Variants in NPAS4 observed in about 807,000 individuals in gnomAD.
NPAS4 encodes the protein neuronal PAS domain protein 4, also known as neuronal PAS domain-containing protein 4.
A neutral mutation model predicts 64.0 loss-of-function variants in NPAS4; 10 were observed. The observed-to-expected ratio is 0.16, with a 90% CI of 0.10 to 0.26. The LOEUF (loss-of-function observed/expected upper bound fraction) is 0.26. Ranked by LOEUF, NPAS4 falls within the 10% of genes least tolerant of loss-of-function variation. The pLI is 1.00. For synonymous variants in NPAS4, 441 were observed against 411.7 expected (o/e 1.07, Z -0.86); for missense variants, 886 against 992.6 (o/e 0.89, Z 1.44).
At chr11:66,410,147 C>T in the NPAS4 span, 1 of 152,388 alleles carries the variant, frequency 6.6e-6, no homozygotes, top group Admixed American at 6.5e-5. Context: ...TGCTCTCTCC[C>T]TGCAGCACTT....
At chr11:66,411,019 C>G in the NPAS4 span, 1 of 152,464 alleles carries the variant, frequency 6.6e-6, no homozygotes, top group African/African-American at 2.4e-5. Context: ...GAACGACCCC[C>G]AACGGGTTGG....
At chr11:66,418,403 A>G (rs1048571883), upstream of NPAS4, among the ~76,000 whole-genome samples, 1 of 152,088 alleles carries the variant, frequency 6.6e-6, no homozygotes, top group African/African-American at 2.4e-5. Context: ...GGTGATATAA[A>G]TAGCTCCTCT....
chr11:66,410,598 C>T, the NPAS4 span: 1 of 152,310 alleles, frequency 6.6e-6, no homozygotes. Flanking sequence ...AGAGGACAGC[C>T]TGTGGGAGGC....
chr11:66,424,118 C>G lies in NPAS4; in HGVS notation c.1228C>G (p.Pro410Ala). 1 of 1,614,054 alleles carries G rather than the reference C, an allele frequency of 6.2e-7. No individual in the cohort carries two copies. The highest frequency in any genetic ancestry group is 8.5e-7 in the Non-Finnish European group (1 of 1,180,008). ...SYLTFPSGPE[P>A]SLQAELSKDL... ...CCTGACATTCCCTTCTGGGCCTGAG[C>G]CTTCTCTCCAAGCAGAACTAAGCAA... Residue 410 changes from proline to alanine, a missense_variant, in exon 7 of 8, where the codon CCT becomes GCT. Coordinates refer to ENST00000311034, the MANE Select transcript of NPAS4 (RefSeq NM_178864.4).
chr11:66,409,178 G>C, the NPAS4 span: 1 of 151,788 alleles, frequency 6.6e-6, no homozygotes, highest in Non-Finnish European at 1.5e-5. Context: ...GCGGAGTGGC[G>C]GCTCCACCAG....
chr11:66,424,931 G>T lies in NPAS4; in HGVS notation c.2041G>T (p.Val681Leu). ...GTCCCTGTCAGGGGCAGGCCCCCCT[G>T]TGCTCAGCCTGGACCTGAAACCCTG... is the stretch of plus-strand genomic sequence containing the variant. ...NLSLSGAGPP[V>L]LSLDLKPWKC... The change falls in exon 7 of 8, where the codon GTG (valine) becomes TTG (leucine). Residue 681 changes from valine to leucine, a missense_variant. By Grantham distance (32) the Val-to-Leu change is conservative. Coordinates refer to ENST00000311034, the MANE Select transcript of NPAS4 (RefSeq NM_178864.4). 1.2e-6 allele frequency: 2 copies of T among 1,614,042 alleles called. No homozygotes were observed. Among genetic ancestry groups the T allele is most frequent in the Non-Finnish European group, 1.7e-6 (2 of 1,179,998 alleles).
the NPAS4 span, among the ~76,000 whole-genome samples, chr11:66,412,352 G>A: frequency 2.0e-5 from 3 of 152,170 alleles, no homozygotes; most frequent in African/African-American, 4.8e-5. Context: ...GAGCCCTGAG[G>A]GGCACTTTAT....
Position 66,424,491 on chromosome 11 carries a change from C to T in NPAS4, c.1601C>T (p.Pro534Leu). 1 of 1,614,178 alleles carries T rather than the reference C, an allele frequency of 6.2e-7. No individual in the cohort carries two copies. The highest frequency in any genetic ancestry group is 8.5e-7 in the Non-Finnish European group (1 of 1,180,042). The change falls in exon 7 of 8, where the codon CCC becomes CTC. Residue 534 changes from proline (P) to leucine (L), a missense_variant. Physicochemically the swap from Pro to Leu is moderately conservative, Grantham distance 98 (BLOSUM62 -3). Transcript: ENST00000311034. ...CCTGCCCATGAACAGCTGACTCCTC[C>T]CAGCACAGCATTCCAAGCACACCTG... ...GSPAHEQLTP[P>L]STAFQAHLDS... is the part of the protein sequence containing the mutation.
chr11:66,418,131 C>A (rs1325513090), upstream of NPAS4, among the ~76,000 whole-genome samples: 1 of 152,136 alleles, frequency 6.6e-6, no homozygotes, highest in Non-Finnish European at 1.5e-5. Flanking sequence ...CTCTCCCATT[C>A]CTTCTACACG....
chr11:66,418,870 C>T (rs1392367504), upstream of NPAS4, among the ~76,000 whole-genome samples: 1 of 152,198 alleles, frequency 6.6e-6, no homozygotes, highest in Non-Finnish European at 1.5e-5. Flanking sequence ...GTGACTCTTT[C>T]AGCACCACGG....
intron 7 of NPAS4, 135 bp from the exon 8 acceptor site, chr11:66,425,826 T>C (rs1441380619): frequency 2.9e-6 from 2 of 691,766 alleles, no homozygotes. Context: ...CCTAATCTAC[T>C]GAGCCTCTGG....
Position 66,421,146 on chromosome 11 carries a change from G to A in NPAS4, c.-34G>A, listed in dbSNP as rs776180084. 1.3e-5 allele frequency: 21 copies of A among 1,559,780 alleles called. No individual in the cohort carries two copies. The South Asian group carries it at 2.3e-4, about 17-fold the overall frequency. On this transcript the variant is annotated 5_prime_UTR_variant, in exon 1 of 8. Transcript: ENST00000311034. ...CGTCGGGACGGGAGCGCAGGTGCTCGGGCACCCGAGCTGGAGCTCCGCAGC... is the reference window on the plus strand; with the variant it reads ...CGTCGGGACGGGAGCGCAGGTGCTCAGGCACCCGAGCTGGAGCTCCGCAGC...
At chr11:66,412,718 C>A in the NPAS4 span, among the ~76,000 whole-genome samples, 2 of 152,178 alleles carry the variant, frequency 1.3e-5, no homozygotes, top group Non-Finnish European at 2.9e-5. Flanking sequence ...TTTAACAAAT[C>A]GGTAAACTGA....
the NPAS4 span, among the ~76,000 whole-genome samples, chr11:66,414,975 C>A: frequency 1.2e-3 from 188 of 152,298 alleles, no homozygotes; most frequent in Non-Finnish European, 2.0e-3. Flanking sequence ...GAGATTCTTC[C>A]CCCCTGGGTC....
rs780537675 is a variant in NPAS4 at position 66,422,591 on chromosome 11, C to T, written c.430+38C>T. On this transcript the variant is annotated intron_variant, in intron 3 of 7. Coordinates refer to ENST00000311034, the MANE Select transcript of NPAS4 (RefSeq NM_178864.4). Reference sequence around the variant, plus strand: ...TTCTCCCTTCCTCGGTCCAATTTCCCACCTGCTGCCCTTCTCCCCACCATC... The same window carrying T: ...TTCTCCCTTCCTCGGTCCAATTTCCTACCTGCTGCCCTTCTCCCCACCATC... 3 of 1,600,144 alleles carry T rather than the reference C, an allele frequency of 1.9e-6. No homozygotes were observed. In the East Asian group the frequency reaches 6.7e-5, roughly 36 times the overall value.
chr11:66,410,122 G>C, the NPAS4 span: 10 of 152,226 alleles, frequency 6.6e-5, no homozygotes, highest in African/African-American at 2.4e-4. Context: ...CCCCCTGCCC[G>C]GTCCTATTGA....
Position 66,426,048 on chromosome 11 carries a change from C to T in NPAS4, c.*59C>T, listed in dbSNP as rs1856834201. 3.2e-6 allele frequency: 4 copies of T among 1,254,334 alleles called. No individual in the cohort carries two copies. Among genetic ancestry groups the T allele is most frequent in the Non-Finnish European group, 4.7e-6 (4 of 860,064 alleles). 77.7% of individuals were successfully genotyped at this position (1,254,334 alleles called of 1,614,324 possible). ...ATATTGTCATCAAGACGTGGAGCCGCTCTCCACCCCCCCGGGACTGTTGGG... is the reference window on the plus strand; with the variant it reads ...ATATTGTCATCAAGACGTGGAGCCGTTCTCCACCCCCCCGGGACTGTTGGG... On this transcript the variant is annotated 3_prime_UTR_variant, in exon 8 of 8. Coordinates refer to ENST00000311034, the MANE Select transcript of NPAS4 (RefSeq NM_178864.4).
chr11:66,411,573 A>G, the NPAS4 span, among the ~76,000 whole-genome samples: 1 of 152,194 alleles, frequency 6.6e-6, no homozygotes, highest in Non-Finnish European at 1.5e-5. Context: ...ATGGCAATTC[A>G]GGGGCTTTCC....
Position 66,422,199 on chromosome 11 carries a change from G to A in NPAS4, c.255G>A (p.Leu85=), listed in dbSNP as rs1345698199. Residue 85 remains leucine, a synonymous_variant, in exon 2 of 8, where the codon CTG becomes CTA. Transcript: ENST00000311034. ...EDIVAALPGF[L]LVFTAEGKLL... ...TCGTAGCGGCACTACCCGGCTTTCT[G>A]CTTGTGTTCACAGCCGAGGGGAAAT... The A allele has an allele frequency of 2.5e-6, 4 of 1,613,928 alleles. No homozygotes were observed. Among genetic ancestry groups the A allele is most frequent in the African/African-American group, 2.7e-5 (2 of 74,900 alleles).
Sources: allele counts gnomAD v4.1 joint callset (sites outside exome capture counted in the v4.1 genomes callset), GRCh38; gene constraint gnomAD v4.1.1; transcripts MANE v1.5; gene names NCBI Gene and HGNC (gene_info 2026-07-23, HGNC 2026-07-21).